Variants in DDX10 observed in about 807,000 individuals in gnomAD.
The protein encoded by DDX10 is probable ATP-dependent RNA helicase DDX10.
A neutral mutation model predicts 104.3 loss-of-function variants in DDX10; 74 were observed. That is an observed-to-expected ratio of 0.71 (90% CI 0.59 to 0.86). The LOEUF (loss-of-function observed/expected upper bound fraction) is 0.86. Among genes scored for constraint, DDX10 ranks in the 40% least tolerant of loss-of-function variants. DDX10 has a pLI of 0.00. For synonymous variants in DDX10, 351 were observed against 353.4 expected, an observed-to-expected ratio of 0.99 and a Z score of 0.08; for missense variants, 952 against 1,040.0, an observed-to-expected ratio of 0.92 and a Z score of 1.16.
chr11:108,869,641 TCA>T (rs1419712568), intron 16 of DDX10, among the ~76,000 whole-genome samples: 1 of 152,154 alleles, frequency 6.6e-6, no homozygotes, highest in Non-Finnish European at 1.5e-5. Context: ...CAAGTAAACT[TCA>T]AAATCTTTTT....
chr11:108,750,521 T>C (rs2094337174), intron 13 of DDX10, among the ~76,000 whole-genome samples: 1 of 152,134 alleles, frequency 6.6e-6, no homozygotes, highest in Admixed American at 6.5e-5. Flanking sequence ...ACCCTCTTCC[T>C]CTTGTCACAG....
chr11:108,917,780 A>T, intron 16 of DDX10, 93 bp from the exon 17 acceptor site: 1 of 1,273,100 alleles, frequency 7.9e-7, no homozygotes, highest in Non-Finnish European at 1.1e-6. Flanking sequence ...GTGGATGTCA[A>T]TTAGAGGGAT....
At chr11:108,727,968 A>G (rs1414398119) in intron 13 of DDX10, among the ~76,000 whole-genome samples, 1 of 152,174 alleles carries the variant, frequency 6.6e-6, no homozygotes, top group African/African-American at 2.4e-5. Flanking sequence ...AGATGAGTGA[A>G]AACATGATCC....
intron 9 of DDX10, among the ~76,000 whole-genome samples, chr11:108,694,423 G>T (rs2094256909): frequency 6.6e-6 from 1 of 152,150 alleles, no homozygotes; most frequent in Non-Finnish European, 1.5e-5. Flanking sequence ...CTAATAAGAG[G>T]CTAAGTGATT....
intron 16 of DDX10, among the ~76,000 whole-genome samples, chr11:108,917,363 C>T (rs1233681990): frequency 6.6e-6 from 1 of 151,958 alleles, no homozygotes; most frequent in Non-Finnish European, 1.5e-5. Flanking sequence ...CATGTGTGGA[C>T]AGGATCACTA....
intron 13 of DDX10, among the ~76,000 whole-genome samples, chr11:108,798,498 TTC>T (rs1861976476): frequency 6.6e-6 from 1 of 152,216 alleles, no homozygotes; most frequent in African/African-American, 2.4e-5. Flanking sequence ...TGCTTTCTGT[TTC>T]TATGAATTTG....
In DDX10 at chr11:108,940,523, C is replaced by G. The variant is rs899831553; in HGVS notation, c.*100C>G. The G allele has an allele frequency of 4.9e-6, 6 of 1,221,134 alleles. No homozygotes were observed. The South Asian group carries it at 7.6e-5, about 15-fold the overall frequency. 75.6% of individuals were successfully genotyped at this position (1,221,134 alleles called of 1,614,324 possible). ...TTGGGGGCACTTAGGTACCATATGC[C>G]CCATTCCCAAAGGGCACATTTCTGG... On this transcript the variant is annotated 3_prime_UTR_variant, in exon 18 of 18. Coordinates refer to ENST00000322536, the MANE Select transcript of DDX10 (RefSeq NM_004398.4).
intron 13 of DDX10, among the ~76,000 whole-genome samples, chr11:108,728,562 T>TA (rs2134481808): frequency 7.0e-6 from 1 of 143,610 alleles, no homozygotes; most frequent in East Asian, 2.1e-4. Context: ...TCACACAGGC[T>TA]AGAAGGCAGT....
chr11:108,880,417 GAAA>G (rs1052858397), intron 16 of DDX10, among the ~76,000 whole-genome samples: 29 of 152,322 alleles, frequency 1.9e-4, no homozygotes, highest in African/African-American at 7.0e-4. Context: ...TTGGGGGACA[GAAA>G]ATTTAATCCA....
At chr11:108,872,825 C>CCA (rs1367998948) in intron 16 of DDX10, among the ~76,000 whole-genome samples, 1 of 148,800 alleles carries the variant, frequency 6.7e-6, no homozygotes, top group Non-Finnish European at 1.5e-5. Context: ...TCCGTTCCCC[C>CCA]CCCCTCCCAT....
Position 108,679,353 on chromosome 11 carries a change from T to TG in DDX10, c.659-17dup, listed in dbSNP as rs762881347. 6.3e-7 allele frequency: 1 copy of TG among 1,577,394 alleles called. No homozygotes were observed. The highest frequency in any genetic ancestry group is 1.9e-5 in the Admixed American group (1 of 51,996). Reference sequence around the variant, plus strand: ...ATATTTTACATATGATAGTTCAACTTGCATTTTCCTTTTTCAGTTCTTGAT... The same window carrying TG: ...ATATTTTACATATGATAGTTCAACTTGGCATTTTCCTTTTTCAGTTCTTGAT... On this transcript the variant is annotated splice_polypyrimidine_tract_variant and intron_variant, in intron 5 of 17. Coordinates refer to ENST00000322536, the MANE Select transcript of DDX10 (RefSeq NM_004398.4).
chr11:108,701,675 CTTTTTTTTTTTT>C (rs55916940), intron 9 of DDX10, among the ~76,000 whole-genome samples: 13 of 77,422 alleles, frequency 1.7e-4, no homozygotes, highest in East Asian at 4.4e-4. Context: ...TTCTTCTTCT[CTTTTTTTTTTTT>C]TTTTTTTTTT....
At chr11:108,707,277 C>T (rs1187569296) in intron 10 of DDX10, among the ~76,000 whole-genome samples, 2 of 152,198 alleles carry the variant, frequency 1.3e-5, no homozygotes, top group Non-Finnish European at 2.9e-5. Flanking sequence ...TTCCCCTCCC[C>T]TCCCCCTGAA....
At chr11:108,768,798 T>G (rs1482586513) in intron 13 of DDX10, among the ~76,000 whole-genome samples, 1 of 152,168 alleles carries the variant, frequency 6.6e-6, no homozygotes, top group Non-Finnish European at 1.5e-5. Context: ...GATATCCTAT[T>G]TCCTCGTCTT....
chr11:108,849,977 T>C (rs967231228), intron 15 of DDX10, among the ~76,000 whole-genome samples: 1 of 152,170 alleles, frequency 6.6e-6, no homozygotes, highest in Non-Finnish European at 1.5e-5. Context: ...CTACTTCCAG[T>C]TCTTTCGCTT....
intron 13 of DDX10, among the ~76,000 whole-genome samples, chr11:108,765,662 C>T (rs1371313098): frequency 6.6e-6 from 1 of 152,154 alleles, no homozygotes; most frequent in African/African-American, 2.4e-5. Context: ...CATGGCTAAC[C>T]ATGGTGTTTG....
intron 13 of DDX10, among the ~76,000 whole-genome samples, chr11:108,754,468 G>A (rs2094342214): frequency 2.0e-5 from 3 of 151,868 alleles, no homozygotes; most frequent in Admixed American, 2.0e-4. Flanking sequence ...ATTAGAACTT[G>A]TTTTTATTTA....
At chr11:108,838,057 C>CT (rs1862581771) in intron 13 of DDX10, among the ~76,000 whole-genome samples, 2 of 151,560 alleles carry the variant, frequency 1.3e-5, no homozygotes, top group South Asian at 4.1e-4. Context: ...TTTTCCTACT[C>CT]TAAAAACTTA....
intron 1 of DDX10, among the ~76,000 whole-genome samples, chr11:108,671,842 G>T (rs1329536064): frequency 6.6e-6 from 1 of 151,896 alleles, no homozygotes; most frequent in East Asian, 1.9e-4. Context: ...GGTGGATCAC[G>T]AGGTCAGGAG....
Sources: allele counts gnomAD v4.1 joint callset (sites outside exome capture counted in the v4.1 genomes callset), GRCh38; gene constraint gnomAD v4.1.1; transcripts MANE v1.5; gene names NCBI Gene and HGNC (gene_info 2026-07-23, HGNC 2026-07-21).